Variants in KCNAB2 observed in about 807,000 individuals in gnomAD.
KCNAB2 encodes voltage-gated potassium channel subunit beta-2.
KCNAB2 carries 29 observed loss-of-function variants against 63.6 expected under a neutral mutation model. The observed-to-expected ratio is 0.46, with a 90% CI of 0.34 to 0.62. The LOEUF (loss-of-function observed/expected upper bound fraction) is 0.62, where lower values mean the gene tolerates loss of function less well. Among genes scored for constraint, KCNAB2 ranks in the 20% least tolerant of loss-of-function variants. KCNAB2 has a pLI of 0.01. For synonymous variants in KCNAB2, 222 were observed against 224.2 expected (o/e 0.99, Z 0.09); for missense variants, 359 against 563.9 (o/e 0.64, Z 3.68).
intron 10 of KCNAB2, among the ~76,000 whole-genome samples, chr1:6,092,632 G>A (rs1665285909): frequency 1.3e-5 from 2 of 152,368 alleles, no homozygotes; most frequent in South Asian, 4.1e-4. Context: ...CCGGACCTGG[G>A]CAGGATGTAG....
chr1:6,026,656 G>C (rs562190733), intron 1 of KCNAB2, among the ~76,000 whole-genome samples: 4 of 152,330 alleles, frequency 2.6e-5, no homozygotes, highest in East Asian at 3.9e-4. Flanking sequence ...AACGCAGCCC[G>C]GCCCTTCACT....
chr1:6,091,189 C>A, intron 9 of KCNAB2, 74 bp from the exon 10 acceptor site: 2 of 1,110,120 alleles, frequency 1.8e-6, no homozygotes, highest in Non-Finnish European at 2.6e-6. Context: ...CCCCGCTGTG[C>A]CTTCGTCGTG....
At chr1:6,083,530 A>T (rs534132882) in intron 5 of KCNAB2, among the ~76,000 whole-genome samples, 1 of 152,314 alleles carries the variant, frequency 6.6e-6, no homozygotes, top group East Asian at 1.9e-4. Context: ...GCCGCTTGCC[A>T]GAAGACCGGG....
chr1:5,993,733 C>A (rs1656733105), intron 1 of KCNAB2, among the ~76,000 whole-genome samples: 1 of 152,226 alleles, frequency 6.6e-6, no homozygotes, highest in African/African-American at 2.4e-5. Context: ...CCTTTCCTCC[C>A]TGGCCACCGT....
intron 2 of KCNAB2, among the ~76,000 whole-genome samples, chr1:6,070,621 G>C (rs968471506): frequency 3.3e-5 from 5 of 152,164 alleles, no homozygotes; most frequent in Non-Finnish European, 7.3e-5. Flanking sequence ...TAAAGAAAAG[G>C]TTACCCTCCT....
At position 6,098,891 on chromosome 1, in the gene KCNAB2, A is replaced by G. The variant is rs1180210195; in HGVS notation, c.*317A>G. 1 of 265,246 alleles carries G rather than the reference A, an allele frequency of 3.8e-6. No homozygotes were observed. Among genetic ancestry groups the G allele is most frequent in the Non-Finnish European group, 7.2e-6 (1 of 139,316 alleles). 16.4% of individuals were successfully genotyped at this position (265,246 alleles called of 1,614,324 possible). On this transcript the variant is annotated 3_prime_UTR_variant, in exon 16 of 16. Transcript: ENST00000378083. ...TCCCAGCCACAGCCAAGATTCCCAA[A>G]GTCAAGGCCCAAAGATTTCCAAGGT...
rs150477965 is a variant in KCNAB2 at position 6,096,611 on chromosome 1, T to C, written c.949-25T>C. ...GGTGACCTGCTCTCATCTGTAGCTG[T>C]GCTGCTCCCCTCCCCCGCAACCAGG... On this transcript the variant is annotated intron_variant, in intron 13 of 15. Transcript: ENST00000378083. The surrounding 1 kb of genome is among the most constrained non-coding windows in gnomAD (Gnocchi z 5.9). 303 of 1,605,744 alleles carry C rather than the reference T, an allele frequency of 1.9e-4. 1 individual carries two copies. In the African/African-American group the frequency reaches 3.6e-3, roughly 19 times the overall value.
In KCNAB2 at chr1:6,003,595, G is replaced by T. The variant is rs531099; in HGVS notation, c.-53+10807G>T. On this transcript the variant is annotated intron_variant, in intron 1 of 16. Transcript: ENST00000341524. This position sits in a 1 kb window ranked among gnomAD's most constrained non-coding sequence, Gnocchi z 4.1. ...TCTTCCGAATCAGGCTGTGGGAAAC[G>T]TTTGTGTGCATCTCGCTTTATTTCC... 5.2e-3 allele frequency among the ~76,000 whole-genome samples: 790 copies of T among 152,068 alleles called. 6 individuals carry two copies. Among genetic ancestry groups the T allele is most frequent in the African/African-American group, 0.017 (719 of 41,480 alleles).
At chr1:6,011,239 G>A (rs1270638824) in intron 1 of KCNAB2, among the ~76,000 whole-genome samples, 2 of 152,190 alleles carry the variant, frequency 1.3e-5, no homozygotes, top group Non-Finnish European at 2.9e-5. Flanking sequence ...TGTGCCCAGG[G>A]CCAAGTGTGC....
In KCNAB2 at chr1:6,099,766, G is replaced by A; in HGVS notation, c.*1192G>A. ...AAAGACCTCAGGGAACCTCTCCCTG[G>A]AAAGACGGGCAGGGCTGGTTAGCCC... On this transcript the variant is annotated 3_prime_UTR_variant, in exon 16 of 16. Transcript: ENST00000378083. 3 of 1,463,372 alleles carry A rather than the reference G, an allele frequency of 2.1e-6. No individual in the cohort carries two copies. Among genetic ancestry groups the A allele is most frequent in the South Asian group, 1.4e-5 (1 of 69,792 alleles). The allele number at this position is 1,463,372 out of a possible 1,614,324, so 90.6% of individuals were successfully genotyped here. A position where few individuals can be genotyped will look rare whatever the true frequency, so the allele number is the denominator to read the frequency against.
Position 6,098,852 on chromosome 1 carries a change from A to C in KCNAB2, c.*278A>C, listed in dbSNP as rs1444103589. 2 of 317,900 alleles carry C rather than the reference A, an allele frequency of 6.3e-6. No individual in the cohort carries two copies. Among genetic ancestry groups the C allele is most frequent in the South Asian group, 5.1e-5 (1 of 19,786 alleles). The allele number at this position is 317,900 out of a possible 1,614,324, so 19.7% of individuals were successfully genotyped here. ...CTGTCACCTCTGCTCATCCTCCAAG[A>C]CCACCCAGCTTTCTCCCAGCCACAG... On this transcript the variant is annotated 3_prime_UTR_variant, in exon 16 of 16. Coordinates refer to ENST00000378083, the MANE Select transcript of KCNAB2 (RefSeq NM_001199862.2).
chr1:6,059,255 A>G (rs1662105128), intron 2 of KCNAB2, among the ~76,000 whole-genome samples: 1 of 152,088 alleles, frequency 6.6e-6, no homozygotes, highest in South Asian at 2.1e-4. Context: ...CAGTGGTGCA[A>G]TCATAGCTCA....
At chr1:6,040,590 G>A (rs1330366279) in exon 2 of KCNAB2, 2 of 1,614,196 alleles carry the variant, frequency 1.2e-6, no homozygotes, top group South Asian at 1.1e-5. Context: ...ATCAACGACG[G>A]GCTCCCCGGC....
chr1:6,067,972 A>G (rs879787116), intron 2 of KCNAB2, among the ~76,000 whole-genome samples: 3 of 152,232 alleles, frequency 2.0e-5, no homozygotes, highest in Non-Finnish European at 4.4e-5. Context: ...CAGAGGTTGC[A>G]GTGAACCAAG....
rs1656789443 is a variant in KCNAB2 at position 5,994,262 on chromosome 1, G to A, written c.-53+1474G>A. 6.6e-6 allele frequency among the ~76,000 whole-genome samples: 1 copy of A among 152,198 alleles called. No individual in the cohort carries two copies. Among genetic ancestry groups the A allele is most frequent in the Non-Finnish European group, 1.5e-5 (1 of 68,038 alleles). On this transcript the variant is annotated intron_variant, in intron 1 of 16. Coordinates refer to the KCNAB2 transcript ENST00000341524. The surrounding 1 kb of genome is among the most constrained non-coding windows in gnomAD (Gnocchi z 5.4). ...GGAAGCCGCATTCAGGCCCCGCGTT[G>A]CAGGTTGCAGGGTTTGGGGACCTAC...
chr1:6,065,242 C>T (rs1662646301), intron 2 of KCNAB2, among the ~76,000 whole-genome samples: 1 of 152,250 alleles, frequency 6.6e-6, no homozygotes, highest in African/African-American at 2.4e-5. Flanking sequence ...TCCACCCTGG[C>T]TGCAGCGCCT....
At position 6,096,305 on chromosome 1, in the gene KCNAB2, G is replaced by GCAGCCGAGACCCCAGGCTGC. The variant is rs2100793971; in HGVS notation, c.949-328_949-309dup. The GCAGCCGAGACCCCAGGCTGC allele has an allele frequency of 2.5e-6, 1 of 404,096 alleles. No individual in the cohort carries two copies. Among genetic ancestry groups the GCAGCCGAGACCCCAGGCTGC allele is most frequent in the Non-Finnish European group, 4.7e-6 (1 of 211,544 alleles). 25.0% of individuals were successfully genotyped at this position (404,096 alleles called of 1,614,324 possible). A position where few individuals can be genotyped will look rare whatever the true frequency, so the allele number is the denominator to read the frequency against. On this transcript the variant is annotated intron_variant, in intron 13 of 15. Coordinates refer to ENST00000378083, the MANE Select transcript of KCNAB2 (RefSeq NM_001199862.2). The surrounding 1 kb of genome is among the most constrained non-coding windows in gnomAD (Gnocchi z 5.9). Reference sequence around the variant, plus strand: ...AGGAGGTTCTTCTGGGCCACGGGTGGCAGCCGAGACCCCAGGCTGCCAAGT... The same window carrying GCAGCCGAGACCCCAGGCTGC: ...AGGAGGTTCTTCTGGGCCACGGGTGGCAGCCGAGACCCCAGGCTGCCAGCCGAGACCCCAGGCTGCCAAGT...
At chr1:6,022,359 G>T (rs1464852311) in intron 1 of KCNAB2, among the ~76,000 whole-genome samples, 1 of 151,682 alleles carries the variant, frequency 6.6e-6, no homozygotes, top group Non-Finnish European at 1.5e-5. Flanking sequence ...GTACAGTTCG[G>T]TGGTATTAAG....
intron 1 of KCNAB2, among the ~76,000 whole-genome samples, chr1:6,020,217 G>A (rs1040229175): frequency 3.3e-5 from 5 of 152,178 alleles, no homozygotes; most frequent in African/African-American, 1.2e-4. Flanking sequence ...AATTGATTCG[G>A]TCGTTGATCC....
Sources: allele counts gnomAD v4.1 joint callset (sites outside exome capture counted in the v4.1 genomes callset), GRCh38; gene constraint gnomAD v4.1.1; non-coding constraint Gnocchi (gnomAD v3.1); transcripts MANE v1.5; gene names NCBI Gene and HGNC (gene_info 2026-07-23, HGNC 2026-07-21).